SH3BP4: variants seen among roughly 807,000 people sequenced by gnomAD.
SH3BP4 encodes the protein SH3 domain binding protein 4.
SH3BP4 carries 33 observed loss-of-function variants against 65.5 expected under a neutral mutation model. The observed-to-expected ratio is 0.50, with a 90% CI of 0.38 to 0.67. The LOEUF (loss-of-function observed/expected upper bound fraction) is 0.67, where lower values mean the gene tolerates loss of function less well. Among genes scored for constraint, SH3BP4 ranks in the 30% least tolerant of loss-of-function variants. The pLI, the probability that SH3BP4 is intolerant of heterozygous loss-of-function variation, is 0.00. For synonymous variants in SH3BP4, 552 were observed against 545.5 expected (o/e 1.01, Z -0.17); for missense variants, 1,134 against 1,261.4 (o/e 0.90, Z 1.53).
chr2:235,002,848 G>A (rs1018838598), intron 2 of SH3BP4, among the ~76,000 whole-genome samples: 2 of 152,206 alleles, frequency 1.3e-5, no homozygotes, highest in African/African-American at 4.8e-5. Context: ...TTCAGATAAC[G>A]GAAGGCCACA....
At chr2:235,000,205 T>A (rs1213441496) in intron 2 of SH3BP4, among the ~76,000 whole-genome samples, 1 of 152,186 alleles carries the variant, frequency 6.6e-6, no homozygotes, top group Non-Finnish European at 1.5e-5. Context: ...CCTCCCTCCT[T>A]CCCTTCTTCC....
chr2:235,011,041 A>G (rs1293773459), intron 2 of SH3BP4, among the ~76,000 whole-genome samples: 1 of 68,460 alleles, frequency 1.5e-5, no homozygotes, highest in Non-Finnish European at 2.4e-5. Context: ...TCCCTCTTCT[A>G]GGAGAAACCT....
intron 2 of SH3BP4, among the ~76,000 whole-genome samples, chr2:235,028,491 C>T (rs1055496316): frequency 6.6e-6 from 1 of 152,222 alleles, no homozygotes; most frequent in Non-Finnish European, 1.5e-5. Context: ...CCATTTGGCT[C>T]CCTTAAAGAT....
At chr2:234,993,908 C>T (rs1693832241) in intron 1 of SH3BP4, among the ~76,000 whole-genome samples, 1 of 152,206 alleles carries the variant, frequency 6.6e-6, no homozygotes, top group African/African-American at 2.4e-5. Flanking sequence ...CCTGCAGTCC[C>T]GCCTGTCTCT....
At chr2:235,003,275 C>T (rs1295729732) in intron 2 of SH3BP4, among the ~76,000 whole-genome samples, 1 of 152,238 alleles carries the variant, frequency 6.6e-6, no homozygotes, top group Middle Eastern at 3.2e-3. Context: ...CCGAGGAGAA[C>T]TCTCCCCTGG....
chr2:235,015,701 CTGAGTGG>C (rs1348259886), intron 2 of SH3BP4, among the ~76,000 whole-genome samples: 1 of 152,126 alleles, frequency 6.6e-6, no homozygotes, highest in Non-Finnish European at 1.5e-5. Context: ...TCTTGAAGAT[CTGAGTGG>C]TGGGGTTGGC....
chr2:235,017,445 CAA>C (rs556712981), intron 2 of SH3BP4, among the ~76,000 whole-genome samples: 40 of 74,944 alleles, frequency 5.3e-4, no homozygotes, highest in Non-Finnish European at 3.3e-4. Flanking sequence ...GACTCAGTCT[CAA>C]AAAAAAAAAA....
At chr2:235,025,862 C>G (rs367590213) in intron 2 of SH3BP4, among the ~76,000 whole-genome samples, 4 of 152,134 alleles carry the variant, frequency 2.6e-5, no homozygotes, top group African/African-American at 4.8e-5. Context: ...ATGGGGAGCC[C>G]TGTTGGGTCT....
At chr2:234,960,791 A>G (rs1574772345) in intron 1 of SH3BP4, among the ~76,000 whole-genome samples, 1 of 152,196 alleles carries the variant, frequency 6.6e-6, no homozygotes, top group African/African-American at 2.4e-5. Flanking sequence ...TTCGAAATCA[A>G]TCAAATTTGA....
Position 234,974,837 on chromosome 2 carries a change from T to G in SH3BP4, c.-206-20466T>G, listed in dbSNP as rs1031758884. ...AGGGGAAGGAATCTGAGCCAGTCAG[T>G]GTGCCCACACTGGGGGTGCTGCAGG... On this transcript the variant is annotated intron_variant, in intron 1 of 5. Coordinates refer to ENST00000392011, the MANE Select transcript of SH3BP4 (RefSeq NM_014521.3). The surrounding 1 kb of genome is among the most constrained non-coding windows in gnomAD (Gnocchi z 4.6). Among the ~76,000 whole-genome samples, 1 of 152,138 alleles carries G rather than the reference T, an allele frequency of 6.6e-6. No homozygotes were observed. The highest frequency in any genetic ancestry group is 1.5e-5 in the Non-Finnish European group (1 of 68,008).
rs768938367 is a variant in SH3BP4, at chr2:235,041,782, G to A, written c.1013G>A (p.Ser338Asn). 6.3e-7 allele frequency: 1 copy of A among 1,595,906 alleles called. No homozygotes were observed. The highest frequency in any genetic ancestry group is 8.6e-7 in the Non-Finnish European group (1 of 1,169,562). ...GTCCAGCTTCCTGACACCAGCATCA[G>A]CATCCACGTGCCCGAGGGCCACGTC... ...GAVQLPDTSI[S>N]IHVPEGHVAP... Residue 338 changes from serine (S) to asparagine (N), a missense_variant, in exon 4 of 6, where the codon AGC becomes AAC. By Grantham distance (46) the Ser-to-Asn change is conservative. Transcript: ENST00000392011. This position sits in a 1 kb window ranked among gnomAD's most constrained non-coding sequence, Gnocchi z 6.0.
At position 235,050,769 on chromosome 2, in the gene SH3BP4, T is replaced by C. The variant is rs192816034; in HGVS notation, c.2479-1793T>C. Among the ~76,000 whole-genome samples, 11 of 152,044 alleles carry C rather than the reference T, an allele frequency of 7.2e-5. No homozygotes were observed. In the East Asian group the frequency reaches 2.1e-3, roughly 30 times the overall value. On this transcript the variant is annotated intron_variant, in intron 4 of 5. Transcript: ENST00000392011. ...GCAGCCCAGCCGACCGCATGAGCACTAGCAAGACGACCCTGCTATCGGCAC... is the reference window on the plus strand; with the variant it reads ...GCAGCCCAGCCGACCGCATGAGCACCAGCAAGACGACCCTGCTATCGGCAC...
At chr2:235,002,383 T>C (rs1694130390) in intron 2 of SH3BP4, among the ~76,000 whole-genome samples, 1 of 152,162 alleles carries the variant, frequency 6.6e-6, no homozygotes, top group Non-Finnish European at 1.5e-5. Flanking sequence ...AAATATTCAT[T>C]AGCAGCCTCG....
intron 2 of SH3BP4, among the ~76,000 whole-genome samples, chr2:235,009,313 C>T (rs1559242157): frequency 2.0e-5 from 3 of 152,122 alleles, no homozygotes; most frequent in African/African-American, 7.2e-5. Flanking sequence ...CCTCCACTTC[C>T]AAGGAACAAA....
chr2:234,993,167 A>G (rs1020114810), intron 1 of SH3BP4, among the ~76,000 whole-genome samples: 1 of 152,166 alleles, frequency 6.6e-6, no homozygotes, highest in Non-Finnish European at 1.5e-5. Flanking sequence ...GAGGAGGCTG[A>G]GATGAGCCCC....
chr2:235,003,457 G>T (rs1184460417), intron 2 of SH3BP4, among the ~76,000 whole-genome samples: 1 of 152,236 alleles, frequency 6.6e-6, no homozygotes, highest in Non-Finnish European at 1.5e-5. Flanking sequence ...CAGAATGAGG[G>T]TCATTCGAAG....
chr2:234,988,639 G>A (rs1398196476), intron 1 of SH3BP4, among the ~76,000 whole-genome samples: 5 of 152,108 alleles, frequency 3.3e-5, no homozygotes, highest in South Asian at 2.1e-4. Context: ...CTCCTCCACC[G>A]CCCTGCCAGG....
intron 2 of SH3BP4, among the ~76,000 whole-genome samples, chr2:235,016,966 A>G (rs2106304005): frequency 6.6e-6 from 1 of 151,842 alleles, no homozygotes; most frequent in South Asian, 2.1e-4. Flanking sequence ...CAGAAGATAC[A>G]GGGAACACAG....
At chr2:235,003,805 G>A (rs1694207137) in intron 2 of SH3BP4, among the ~76,000 whole-genome samples, 1 of 152,250 alleles carries the variant, frequency 6.6e-6, no homozygotes. Flanking sequence ...TCTGTATCCA[G>A]TTGGCTCCAG....
Sources: gnomAD v4.1 joint callset for allele counts (sites outside exome capture counted in the v4.1 genomes callset) on GRCh38, gnomAD v4.1.1 for gene constraint, Gnocchi (gnomAD v3.1) non-coding constraint, MANE v1.5 for transcripts, NCBI Gene and HGNC (gene_info 2026-07-23, HGNC 2026-07-21) for gene names.